ZCCHC4: variants seen among roughly 807,000 people sequenced by gnomAD.
ZCCHC4 encodes rRNA N(6)-adenosine-methyltransferase ZCCHC4.
A neutral mutation model predicts 67.7 loss-of-function variants in ZCCHC4; 54 were observed. That is an observed-to-expected ratio of 0.80 (90% CI 0.64 to 1.00). ZCCHC4 has a LOEUF of 1.00. ZCCHC4 is among the 50% of genes least tolerant of loss of function. The probability of loss-of-function intolerance (pLI) is 0.00; values close to 1 mark genes in which losing one functional copy is unlikely to be tolerated. For missense variants in ZCCHC4, 609 were observed against 617.0 expected, an observed-to-expected ratio of 0.99 and a Z score of 0.14; for synonymous variants, 198 against 213.5, an observed-to-expected ratio of 0.93 and a Z score of 0.63.
intron 5 of ZCCHC4, among the ~76,000 whole-genome samples, chr4:25,335,209 G>C (rs976486804): frequency 8.7e-4 from 133 of 152,266 alleles, no homozygotes; most frequent in Non-Finnish European, 4.9e-4. Flanking sequence ...CACTTTGGGA[G>C]GCCAAGGCTG....
chr4:25,362,188 T>A, intron 9 of ZCCHC4, 38 bp from the exon 10 acceptor site: 1 of 1,563,034 alleles, frequency 6.4e-7, no homozygotes, highest in Non-Finnish European at 8.7e-7. Context: ...TAAATCTCAA[T>A]AAATGTATGC....
Position 25,316,888 on chromosome 4 carries a change from CATTGTT to C in ZCCHC4, c.329+1491_329+1496del, listed in dbSNP as rs548095111. 3.2e-3 allele frequency among the ~76,000 whole-genome samples: 488 copies of C among 152,202 alleles called. 1 individual carries two copies. The highest frequency in any genetic ancestry group is 0.011 in the African/African-American group (471 of 41,542). ...ATAGATCAGAACCCATTATCAAATC[CATTGTT>C]ATGAAGATTTGCTGTGATGTTTCTT... On this transcript the variant is annotated intron_variant, in intron 3 of 12. Coordinates refer to ENST00000302874, the MANE Select transcript of ZCCHC4 (RefSeq NM_024936.3).
intron 8 of ZCCHC4, among the ~76,000 whole-genome samples, chr4:25,358,911 GTC>G (rs1260106996): frequency 1.3e-5 from 2 of 152,232 alleles, no homozygotes; most frequent in African/African-American, 4.8e-5. Flanking sequence ...TGTTGAAACT[GTC>G]TACAATTCCT....
At chr4:25,317,788 A>G (rs1718349470) in intron 3 of ZCCHC4, among the ~76,000 whole-genome samples, 1 of 150,308 alleles carries the variant, frequency 6.7e-6, no homozygotes, top group East Asian at 1.9e-4. Flanking sequence ...TTTACATGAG[A>G]TATTATTTAG....
chr4:25,364,067 A>G (rs1284703434), intron 10 of ZCCHC4, among the ~76,000 whole-genome samples: 1 of 152,240 alleles, frequency 6.6e-6, no homozygotes, highest in Non-Finnish European at 1.5e-5. Flanking sequence ...TTTCTAAATT[A>G]TGTAAAGTTC....
chr4:25,323,977 ATATAAAGGTAATCG>A (rs576693732), intron 3 of ZCCHC4, among the ~76,000 whole-genome samples: 168 of 136,374 alleles, frequency 1.2e-3, no homozygotes, highest in African/African-American at 4.5e-3. Flanking sequence ...CTAGAAGTTT[ATATAAAGGTAATCG>A]TACAGTATGT....
chr4:25,357,757 C>A (rs13105472), intron 8 of ZCCHC4, among the ~76,000 whole-genome samples: 11,804 of 152,240 alleles, frequency 0.078, 500 homozygotes, highest in South Asian at 0.11. Context: ...GTCAGGCTTA[C>A]CTGTACTGAC....
Position 25,324,601 on chromosome 4 carries a change from G to C in ZCCHC4, c.330-8582G>C, listed in dbSNP as rs920144852. On this transcript the variant is annotated intron_variant, in intron 3 of 12. Coordinates refer to ENST00000302874, the MANE Select transcript of ZCCHC4 (RefSeq NM_024936.3). The stretch of plus-strand genomic sequence containing the variant: ...AATAGAGTAGCTGGATCATATGGTG[G>C]ATATACGTTTAATTTTTCCAAAACT... Among the ~76,000 whole-genome samples the C allele has an allele frequency of 5.9e-5, 9 of 152,166 alleles. 1 individual carries two copies. The highest frequency in any genetic ancestry group is 1.2e-4 in the Non-Finnish European group (8 of 68,028).
Position 25,364,481 on chromosome 4 carries a change from C to G in ZCCHC4, c.1237C>G (p.Leu413Val). The change falls in exon 11 of 13, where the codon CTC becomes GTC. Residue 413 changes from leucine (L) to valine (V), a missense_variant. Physicochemically the swap from Leu to Val is conservative, Grantham distance 32. Coordinates refer to ENST00000302874, the MANE Select transcript of ZCCHC4 (RefSeq NM_024936.3). ...TGGCAGGAAATGGAACCATTGCTTT[C>G]TCTGTAAAAAGTGTGTAAAGCCTTG... ...KDGRKWNHCF[L>V]CKKCVKPSWI... The G allele has an allele frequency of 6.5e-7, 1 of 1,528,018 alleles. No homozygotes were observed. Among genetic ancestry groups the G allele is most frequent in the Non-Finnish European group, 8.7e-7 (1 of 1,143,188 alleles). The allele number at this position is 1,528,018 out of a possible 1,614,324, so 94.7% of individuals were successfully genotyped here.
At chr4:25,362,761 G>A (rs1720798973) in intron 10 of ZCCHC4, among the ~76,000 whole-genome samples, 1 of 152,164 alleles carries the variant, frequency 6.6e-6, no homozygotes, top group African/African-American at 2.4e-5. Flanking sequence ...CTTATTAGGT[G>A]CAGTTACTCA....
chr4:25,352,516 C>G (rs942878754), intron 8 of ZCCHC4: 1 of 524,802 alleles, frequency 1.9e-6, no homozygotes, highest in African/African-American at 2.1e-5. Flanking sequence ...TCAAGCGATT[C>G]TTCTGCCTTA....
intron 3 of ZCCHC4, among the ~76,000 whole-genome samples, chr4:25,316,043 A>G (rs10034591): frequency 0.44 from 66,858 of 152,044 alleles, 16,539 homozygotes; most frequent in Non-Finnish European, 0.56. Flanking sequence ...GAATTTGACA[A>G]TTCTGTGTAC....
chr4:25,316,080 T>G (rs1025714605), intron 3 of ZCCHC4, among the ~76,000 whole-genome samples: 1 of 152,216 alleles, frequency 6.6e-6, no homozygotes, highest in Non-Finnish European at 1.5e-5. Flanking sequence ...TATACAATAT[T>G]TGTCCTTTTG....
intron 3 of ZCCHC4, among the ~76,000 whole-genome samples, chr4:25,331,692 C>T (rs1056549317): frequency 2.7e-4 from 41 of 152,146 alleles, no homozygotes; most frequent in Non-Finnish European, 3.8e-4. Flanking sequence ...GGTTCTTTCA[C>T]TTTCATTTCA....
In ZCCHC4 at chr4:25,369,261, A is replaced by G; in HGVS notation, c.*97A>G. 6.5e-7 allele frequency: 1 copy of G among 1,536,898 alleles called. No homozygotes were observed. Among genetic ancestry groups the G allele is most frequent in the South Asian group, 1.2e-5 (1 of 82,456 alleles). ...TGGACTTAAATTCAGCTGCTTCCAG[A>G]GGTGTGCACCTTTCTGAGCTAGATA... On this transcript the variant is annotated 3_prime_UTR_variant, in exon 13 of 13. Transcript: ENST00000302874.
chr4:25,325,448 G>A (rs1560400423), intron 3 of ZCCHC4, among the ~76,000 whole-genome samples: 1 of 151,512 alleles, frequency 6.6e-6, no homozygotes, highest in East Asian at 2.0e-4. Context: ...TTTTTTAGTA[G>A]AGATGGTGTT....
intron 12 of ZCCHC4, among the ~76,000 whole-genome samples, chr4:25,366,786 T>C (rs1720968757): frequency 6.6e-6 from 1 of 152,230 alleles, no homozygotes; most frequent in African/African-American, 2.4e-5. Context: ...AATTTGCATT[T>C]TGATACTCTA....
intron 3 of ZCCHC4, among the ~76,000 whole-genome samples, chr4:25,325,159 C>G (rs1391184936): frequency 2.7e-5 from 3 of 109,328 alleles, no homozygotes; most frequent in African/African-American, 8.7e-5. Context: ...AGGAGAATGG[C>G]GTGAATCCCG....
intron 8 of ZCCHC4, among the ~76,000 whole-genome samples, chr4:25,357,658 A>G (rs2667298): frequency 0.2 from 30,571 of 152,130 alleles, 3,933 homozygotes; most frequent in African/African-American, 0.36. Context: ...TTCACTTATT[A>G]AATAGCTAGC....
Sources: allele counts gnomAD v4.1 joint callset (sites outside exome capture counted in the v4.1 genomes callset), GRCh38; gene constraint gnomAD v4.1.1; transcripts MANE v1.5; gene names NCBI Gene and HGNC (gene_info 2026-07-23, HGNC 2026-07-21).